TMPRSS15: variants seen among roughly 807,000 people sequenced by gnomAD.
TMPRSS15 encodes the protein transmembrane serine protease 15, also known as enteropeptidase.
TMPRSS15 carries 128 observed loss-of-function variants against 125.3 expected under a neutral mutation model. The observed-to-expected ratio is 1.02, with a 90% CI of 0.89 to 1.18. The LOEUF is 1.18. TMPRSS15 is among the 50% of genes most tolerant of loss of function. The pLI is 0.00. For missense variants in TMPRSS15, 1,283 were observed against 1,212.7 expected (o/e 1.06, Z -0.86); for synonymous variants, 446 against 423.2 (o/e 1.05, Z -0.66).
In TMPRSS15 at chr21:18,270,031, G is replaced by A. The variant is rs146695857; in HGVS notation, c.2998C>T (p.Arg1000Cys). The change falls in exon 25 of 25, where the codon CGC becomes TGC. Residue 1000 changes from arginine to cysteine, a missense_variant. Transcript: ENST00000284885. The part of the protein sequence containing the change: ...SFGYKCALPN[R>C]PGVYARVSRF... ...GAGACCCTGGCATACACTCCGGGGC[G>A]ATTAGGCAGGGCACACTTGTATCCA... The A allele has an allele frequency of 1.3e-5, 21 of 1,613,944 alleles. No individual in the cohort carries two copies. Among genetic ancestry groups the A allele is most frequent in the African/African-American group, 1.1e-4 (8 of 74,980 alleles).
rs559988008 is a variant in TMPRSS15 at position 18,340,198 on chromosome 21, A to G, written c.1564+1215T>C. Among the ~76,000 whole-genome samples, 19 of 152,302 alleles carry G rather than the reference A, an allele frequency of 1.2e-4. No individual in the cohort carries two copies. The East Asian group carries it at 2.3e-3, about 19-fold the overall frequency. ...CACTCTCAGTCTGGGTAGGCACAAT[A>G]TAATCAGCTGCCAGCACAGCTAGAA... On this transcript the variant is annotated intron_variant, in intron 13 of 24. Transcript: ENST00000284885.
intron 7 of TMPRSS15, among the ~76,000 whole-genome samples, chr21:18,363,833 C>T (rs552128580): frequency 4.1e-4 from 62 of 152,168 alleles, no homozygotes; most frequent in Non-Finnish European, 7.2e-4. Flanking sequence ...GCAAGAATTA[C>T]TTAGAACTGC....
intron 1 of TMPRSS15, among the ~76,000 whole-genome samples, chr21:18,437,701 T>C (rs1300328108): frequency 6.6e-6 from 1 of 152,196 alleles, no homozygotes; most frequent in Non-Finnish European, 1.5e-5. Flanking sequence ...AAGACATTTA[T>C]GCAGCCAAAA....
Position 18,329,296 on chromosome 21 carries a change from T to A in TMPRSS15, c.1655-2A>T, listed in dbSNP as rs777927429. The stretch of plus-strand genomic sequence containing the variant: ...TTTGTGCATTTAAAATCCAAACACC[T>A]AAAAAGTAAGAAGTAACATTTAATT... On this transcript the variant is annotated splice_acceptor_variant, in intron 14 of 24. Transcript: ENST00000284885. LOFTEE classifies it high-confidence loss of function. The A allele has an allele frequency of 9.9e-6, 16 of 1,608,152 alleles. No individual in the cohort carries two copies. Among genetic ancestry groups the A allele is most frequent in the Non-Finnish European group, 1.3e-5 (15 of 1,176,692 alleles).
At chr21:18,359,972 A>G (rs2075664583) in intron 7 of TMPRSS15, 109 bp from the exon 8 acceptor site, 1 of 614,182 alleles carries the variant, frequency 1.6e-6, no homozygotes, top group Admixed American at 2.4e-5. Context: ...ACATAATATG[A>G]TATCTACTCT....
intron 24 of TMPRSS15, among the ~76,000 whole-genome samples, chr21:18,271,600 CTTTTT>C (rs915001348): frequency 6.7e-6 from 1 of 148,752 alleles, no homozygotes; most frequent in Non-Finnish European, 1.5e-5. Flanking sequence ...CTTTTCTTTT[CTTTTT>C]TTTTTACATT....
rs2075206784 is a variant in TMPRSS15 at position 18,319,160 on chromosome 21, TTAAAG to T, written c.1922-3909_1922-3905del. 6.6e-5 allele frequency among the ~76,000 whole-genome samples: 10 copies of T among 152,318 alleles called. No individual in the cohort carries two copies. In the South Asian group the frequency reaches 2.1e-3, roughly 32 times the overall value. On this transcript the variant is annotated intron_variant, in intron 16 of 24. Transcript: ENST00000284885. ...TTCAATAGTGGTTAAGACACAGGAC[TTAAAG>T]TAATATGACCTTGGTTGAAGGTGCA...
At chr21:18,456,981 G>A (rs1273401620) in intron 1 of TMPRSS15, among the ~76,000 whole-genome samples, 1 of 151,966 alleles carries the variant, frequency 6.6e-6, no homozygotes, top group Admixed American at 6.6e-5. Context: ...AAACATTTAG[G>A]CAATAGAATG....
At chr21:18,276,538 A>C (rs1427983869) in intron 23 of TMPRSS15, among the ~76,000 whole-genome samples, 4 of 152,128 alleles carry the variant, frequency 2.6e-5, no homozygotes, top group East Asian at 1.9e-4. Context: ...TTTTACAATA[A>C]AAACCAAGGC....
rs1158375704 is a variant in TMPRSS15, at chr21:18,278,984, C to T, written c.2744G>A (p.Trp915Ter). ...TTTACCTTGATATACAACCGTCCCCCAACCAGCAATAGAACAATTTCTTCC... is the reference window on the plus strand; with the variant it reads ...TTTACCTTGATATACAACCGTCCCCTAACCAGCAATAGAACAATTTCTTCC... ...PPGRNCSIAG[W>*]GTVVYQGTTA... The change falls in exon 23 of 25, where the codon TGG (tryptophan) becomes TAG (stop). Residue 915 changes from tryptophan to a stop codon, truncating the protein, a stop_gained. Transcript: ENST00000284885. LOFTEE classifies it high-confidence loss of function. 1 of 1,563,226 alleles carries T rather than the reference C, an allele frequency of 6.4e-7. No homozygotes were observed. Among genetic ancestry groups the T allele is most frequent in the African/African-American group, 1.4e-5 (1 of 69,814 alleles).
intron 1 of TMPRSS15, among the ~76,000 whole-genome samples, chr21:18,476,063 G>T (rs905117235): frequency 1.3e-5 from 2 of 152,226 alleles, no homozygotes; most frequent in Admixed American, 1.3e-4. Flanking sequence ...AAGAGCCAAA[G>T]AAGTGTTTGA....
At chr21:18,406,968 T>G (rs1391175831), upstream of TMPRSS15, among the ~76,000 whole-genome samples, 1 of 152,184 alleles carries the variant, frequency 6.6e-6, no homozygotes, top group African/African-American at 2.4e-5. Flanking sequence ...GTACATGAAC[T>G]AAAGTTGTAT....
At chr21:18,299,089 T>C (rs544524871) in intron 18 of TMPRSS15, among the ~76,000 whole-genome samples, 1 of 152,320 alleles carries the variant, frequency 6.6e-6, no homozygotes, top group East Asian at 1.9e-4. Flanking sequence ...GCCATTACCA[T>C]ACTTTAATAA....
At chr21:18,441,305 C>T (rs1207167806) in intron 1 of TMPRSS15, among the ~76,000 whole-genome samples, 1 of 147,914 alleles carries the variant, frequency 6.8e-6, no homozygotes, top group Admixed American at 6.8e-5. Flanking sequence ...CAAAACAAAA[C>T]AAAACCAAAA....
At chr21:18,344,101 G>A in intron 10 of TMPRSS15, 41 bp from the exon 11 acceptor site, 1 of 1,506,354 alleles carries the variant, frequency 6.6e-7, no homozygotes, top group Non-Finnish European at 9.2e-7. Context: ...CTTAAATATT[G>A]CATTTTCATT....
At chr21:18,394,759 G>A (rs969855815) in intron 3 of TMPRSS15, among the ~76,000 whole-genome samples, 17 of 151,852 alleles carry the variant, frequency 1.1e-4, no homozygotes, top group African/African-American at 4.1e-4. Context: ...CAATCTAAAT[G>A]ATAAAAAAGC....
chr21:18,377,918 T>C (rs747751499), intron 5 of TMPRSS15, among the ~76,000 whole-genome samples: 8 of 152,172 alleles, frequency 5.3e-5, no homozygotes, highest in Non-Finnish European at 1.0e-4. Context: ...AACAGGTATG[T>C]CTTCAGAATA....
At chr21:18,305,341 A>G (rs2075024674) in intron 18 of TMPRSS15, among the ~76,000 whole-genome samples, 2 of 151,470 alleles carry the variant, frequency 1.3e-5, no homozygotes, top group Admixed American at 6.6e-5. Flanking sequence ...GGCGCCCGCC[A>G]CCGCGCCCGG....
Position 18,352,911 on chromosome 21 carries a change from T to C in TMPRSS15, c.1163A>G (p.Asn388Ser), listed in dbSNP as rs1289385427. The stretch of plus-strand genomic sequence containing the variant: ...AATTAAATGAATTATACCTGAAGCA[T>C]TGCCAAAAGTGTGGTCAAAATTGGG... ...TGPNFDHTFG[N>S]ASGFYISTPT... is the part of the protein sequence containing the mutation. The change falls in exon 10 of 25, where the codon AAT (asparagine) becomes AGT (serine). Residue 388 changes from asparagine (N) to serine (S), a missense_variant. Asn to Ser is a conservative substitution (Grantham distance 46). Coordinates refer to ENST00000284885, the MANE Select transcript of TMPRSS15 (RefSeq NM_002772.3). 6.2e-7 allele frequency: 1 copy of C among 1,612,246 alleles called. No homozygotes were observed. Among genetic ancestry groups the C allele is most frequent in the East Asian group, 2.2e-5 (1 of 44,750 alleles).
Sources: gnomAD v4.1 joint callset for allele counts (sites outside exome capture counted in the v4.1 genomes callset) on GRCh38, gnomAD v4.1.1 for gene constraint, MANE v1.5 for transcripts, NCBI Gene and HGNC (gene_info 2026-07-23, HGNC 2026-07-21) for gene names.